USH2A: variants seen among roughly 807,000 people sequenced by gnomAD.
USH2A encodes the protein Usher syndrome 2A (autosomal recessive, mild).
Under a neutral mutation model 538.9 loss-of-function variants are expected in USH2A, and 443 were observed. That is an observed-to-expected ratio of 0.82 (90% confidence interval 0.76 to 0.89). The LOEUF (loss-of-function observed/expected upper bound fraction) is 0.89, where lower values mean the gene tolerates loss of function less well. Among genes scored for constraint, USH2A ranks in the 40% least tolerant of loss-of-function variants. The pLI is 0.00. For synonymous variants in USH2A, 2,413 were observed against 2,273.5 expected (o/e 1.06, Z -1.75); for missense variants, 6,633 against 6,324.8 (o/e 1.05, Z -1.65).
At chr1:216,411,481 T>C (rs1480882018) in intron 3 of USH2A, among the ~76,000 whole-genome samples, 1 of 152,092 alleles carries the variant, frequency 6.6e-6, no homozygotes, top group East Asian at 1.9e-4. Flanking sequence ...GTACAACTGA[T>C]GTCCTTATAA....
intron 20 of USH2A, among the ~76,000 whole-genome samples, chr1:216,179,438 T>C (rs1252190771): frequency 6.6e-6 from 1 of 152,104 alleles, no homozygotes; most frequent in East Asian, 1.9e-4. Context: ...CATCTAGCAA[T>C]GGGACTGTCC....
intron 3 of USH2A, among the ~76,000 whole-genome samples, chr1:216,411,517 G>A (rs2039489528): frequency 1.3e-5 from 2 of 152,152 alleles, no homozygotes; most frequent in South Asian, 4.1e-4. Context: ...ACGATCAGAG[G>A]AGAGGACCAT....
chr1:216,367,104 C>G (rs184179345), intron 3 of USH2A, among the ~76,000 whole-genome samples: 5 of 152,254 alleles, frequency 3.3e-5, no homozygotes, highest in Admixed American at 2.6e-4. Context: ...TGATGAACAG[C>G]CAATTTTCCT....
chr1:215,881,636 T>C (rs1467240784), intron 41 of USH2A, among the ~76,000 whole-genome samples: 1 of 152,170 alleles, frequency 6.6e-6, no homozygotes, highest in Non-Finnish European at 1.5e-5. Context: ...TCCCTAAAAA[T>C]TCAGACAAAA....
intron 61 of USH2A, among the ~76,000 whole-genome samples, chr1:215,715,547 G>C (rs1312463308): frequency 1.3e-5 from 2 of 152,152 alleles, no homozygotes; most frequent in African/African-American, 2.4e-5. Flanking sequence ...GCACTAGATG[G>C]ACAGGTCTTT....
At chr1:216,415,208 C>A (rs1437976531) in intron 3 of USH2A, among the ~76,000 whole-genome samples, 1 of 152,068 alleles carries the variant, frequency 6.6e-6, no homozygotes, top group African/African-American at 2.4e-5. Flanking sequence ...ACACTCCACA[C>A]TCCACTTACT....
At chr1:215,782,995 T>C (rs1308477173) in intron 52 of USH2A, 60 bp from the exon 53 acceptor site, 4 of 1,509,056 alleles carry the variant, frequency 2.7e-6, no homozygotes, top group Non-Finnish European at 3.6e-6. Context: ...AACCATCATA[T>C]TAAAAGTGAA....
intron 37 of USH2A, among the ~76,000 whole-genome samples, chr1:215,951,050 T>C (rs1666900360): frequency 1.3e-5 from 2 of 152,184 alleles, no homozygotes; most frequent in Non-Finnish European, 2.9e-5. Flanking sequence ...TGTCTCTATG[T>C]CTTCCGGTTC....
At chr1:216,249,866 G>C (rs1475873834) in intron 12 of USH2A, among the ~76,000 whole-genome samples, 1 of 148,828 alleles carries the variant, frequency 6.7e-6, no homozygotes, top group Non-Finnish European at 1.5e-5. Context: ...GTAAGCATTC[G>C]TGTGTGTGTG....
chr1:216,002,001 G>C (rs17025860), intron 32 of USH2A, among the ~76,000 whole-genome samples: 5,603 of 152,216 alleles, frequency 0.037, 273 homozygotes, highest in African/African-American at 0.12. Context: ...ATTCAATGTA[G>C]TCAGAATATA....
chr1:216,262,323 CAG>C (rs1275652151), intron 11 of USH2A, among the ~76,000 whole-genome samples: 1 of 151,760 alleles, frequency 6.6e-6, no homozygotes, highest in Non-Finnish European at 1.5e-5. Context: ...TGAAAAAAAT[CAG>C]GAAAAGAATT....
At chr1:216,304,666 G>A (rs1179203881) in intron 9 of USH2A, among the ~76,000 whole-genome samples, 1 of 151,810 alleles carries the variant, frequency 6.6e-6, no homozygotes, top group Non-Finnish European at 1.5e-5. Context: ...GAACTTTCCT[G>A]TTAGCACCAC....
At chr1:215,887,817 T>G (rs997030317) in intron 41 of USH2A, among the ~76,000 whole-genome samples, 1 of 152,180 alleles carries the variant, frequency 6.6e-6, no homozygotes, top group African/African-American at 2.4e-5. Flanking sequence ...CATGGAAGCC[T>G]GTGTGTATTT....
At chr1:216,125,157 TG>T (rs2033222299) in intron 21 of USH2A, among the ~76,000 whole-genome samples, 1 of 151,966 alleles carries the variant, frequency 6.6e-6, no homozygotes, top group Admixed American at 6.6e-5. Flanking sequence ...GCTCTACAAA[TG>T]TAAGAATTAG....
chr1:215,905,314 CTG>C lies in USH2A; in HGVS notation c.7301-4411_7301-4410del, dbSNP rs144475912. ...TTTTGAGGTGTGTTTTGTTTTTTGC[CTG>C]TGTGTGTGCATTTCAAAATAGTGAA... On this transcript the variant is annotated intron_variant, in intron 38 of 71. Coordinates refer to ENST00000307340, the MANE Select transcript of USH2A (RefSeq NM_206933.4). 3.4e-3 allele frequency among the ~76,000 whole-genome samples: 522 copies of C among 152,050 alleles called. 4 individuals carry two copies. The highest frequency in any genetic ancestry group is 0.012 in the African/African-American group (503 of 41,526).
chr1:215,957,567 C>T (rs560668057), intron 37 of USH2A, among the ~76,000 whole-genome samples: 38 of 152,214 alleles, frequency 2.5e-4, no homozygotes, highest in African/African-American at 9.1e-4. Context: ...CTTTCTTTGA[C>T]CTTTCTTTCT....
intron 35 of USH2A, among the ~76,000 whole-genome samples, chr1:215,976,743 A>C (rs559971488): frequency 4.6e-5 from 7 of 152,146 alleles, no homozygotes; most frequent in Admixed American, 6.6e-5. Context: ...TGTGCTGTTG[A>C]ATTTGGTTTG....
Position 215,813,856 on chromosome 1 carries a change from A to G in USH2A, c.9619T>C (p.Cys3207Arg). 1 of 1,613,960 alleles carries G rather than the reference A, an allele frequency of 6.2e-7. No homozygotes were observed. The highest frequency in any genetic ancestry group is 1.1e-5 in the South Asian group (1 of 91,084). The stretch of plus-strand genomic sequence containing the variant: ...ACAAACGGGATATACTTTTCTTCAC[A>G]ACAGCGATGTCCAGGCTTGGGGTTA... ...LYNPKPGHRC[C>R]EEKYIPFVLN... Residue 3207 changes from cysteine to arginine, a missense_variant, in exon 49 of 72, where the codon TGT (cysteine) becomes CGT (arginine). Physicochemically the swap from Cys to Arg is radical, Grantham distance 180. Coordinates refer to ENST00000307340, the MANE Select transcript of USH2A (RefSeq NM_206933.4).
chr1:216,237,552 C>A (rs1019392629), intron 13 of USH2A, among the ~76,000 whole-genome samples: 3 of 147,662 alleles, frequency 2.0e-5, no homozygotes, highest in African/African-American at 5.0e-5. Context: ...TCAGAGTATA[C>A]ATTCTGGAGT....
Sources: gnomAD v4.1 joint callset for allele counts (sites outside exome capture counted in the v4.1 genomes callset) on GRCh38, gnomAD v4.1.1 for gene constraint, MANE v1.5 for transcripts, NCBI Gene and HGNC (gene_info 2026-07-23, HGNC 2026-07-21) for gene names.